The following ADPRHL1 variants were observed in gnomAD, a reference collection of about 807,000 sequenced individuals.
ADPRHL1 encodes inactive ADP-ribosyltransferase ARH2.
In ADPRHL1, 43 loss-of-function variants were observed where a neutral mutation model predicts 44.1. That is an observed-to-expected ratio of 0.98 (90% confidence interval 0.76 to 1.26). The LOEUF (loss-of-function observed/expected upper bound fraction) is 1.26, where lower values mean the gene tolerates loss of function less well. Among genes scored for constraint, ADPRHL1 ranks in the 50% most tolerant of loss-of-function variants. The pLI is 0.00. For synonymous variants in ADPRHL1, 878 were observed against 1,017.4 expected (o/e 0.86, Z 2.61); for missense variants, 2,022 against 2,496.9 (o/e 0.81, Z 4.05).
rs983245722 is a variant in ADPRHL1 at position 113,405,635 on chromosome 13, G to A, written c.3647C>T (p.Ala1216Val). Residue 1216 changes from alanine (A) to valine (V), a missense_variant, in exon 8 of 8, where the codon GCG becomes GTG. Around this residue, in one of 8 missense-constraint regions of ADPRHL1, gnomAD observed 1,221 missense variants for 1,517.8 expected, o/e 0.80. Transcript: ENST00000612156. ...ATLARHPEDA[A>V]ALARHPEAAR... ...CGCCTCTGGGTGCCGGGCGAGGGCC[G>A]CAGCATCCTCCGGGTGGCGGGCGAG... is the stretch of plus-strand genomic sequence containing the variant. 19 of 1,232,802 alleles carry A rather than the reference G, an allele frequency of 1.5e-5. 1 individual carries two copies. The highest frequency in any genetic ancestry group is 1.2e-4 in the South Asian group (3 of 24,356). The allele number at this position is 1,232,802 out of a possible 1,614,324, so 76.4% of individuals were successfully genotyped here.
chr13:113,410,025 A>G (rs1240395791), intron 7 of ADPRHL1: 12 of 985,160 alleles, frequency 1.2e-5, no homozygotes, highest in Non-Finnish European at 1.4e-5. Context: ...CCATGGATGG[A>G]TTTCCTTGTT....
chr13:113,431,311 G>A (rs988324301), intron 3 of ADPRHL1, among the ~76,000 whole-genome samples: 2 of 152,270 alleles, frequency 1.3e-5, no homozygotes, highest in East Asian at 3.8e-4. Flanking sequence ...ATGGTTGCCC[G>A]TGACACGCCA....
intron 4 of ADPRHL1, 99 bp downstream of exon 4, chr13:113,428,853 T>A: frequency 1.3e-6 from 2 of 1,552,150 alleles, no homozygotes; most frequent in Non-Finnish European, 1.7e-6. Context: ...CAGTTCCATC[T>A]AAGAGCGAAA....
chr13:113,419,287 T>TTG (rs778682502), intron 7 of ADPRHL1, among the ~76,000 whole-genome samples: 1 of 109,632 alleles, frequency 9.1e-6, no homozygotes, highest in Non-Finnish European at 2.1e-5. Context: ...TGTATTTTTT[T>TTG]TTTTTTTTTT....
intron 6 of ADPRHL1, among the ~76,000 whole-genome samples, chr13:113,423,420 A>G (rs1595544067): frequency 6.6e-6 from 1 of 152,346 alleles, no homozygotes; most frequent in African/African-American, 2.4e-5. Flanking sequence ...CCGAGGCCGC[A>G]TGGTCCCACC....
intron 3 of ADPRHL1, among the ~76,000 whole-genome samples, chr13:113,429,459 C>G (rs1317745819): frequency 6.6e-6 from 1 of 152,258 alleles, no homozygotes; most frequent in Non-Finnish European, 1.5e-5. Flanking sequence ...ACTCAGGACG[C>G]ATCCCCAGGT....
intron 7 of ADPRHL1, among the ~76,000 whole-genome samples, chr13:113,411,766 G>A (rs1457473973): frequency 6.6e-6 from 1 of 152,238 alleles, no homozygotes; most frequent in Non-Finnish European, 1.5e-5. Flanking sequence ...AGGCGTCCGC[G>A]GTTCAGGATG....
chr13:113,432,226 C>T (rs2044012388), intron 3 of ADPRHL1, among the ~76,000 whole-genome samples: 1 of 152,096 alleles, frequency 6.6e-6, no homozygotes, highest in African/African-American at 2.4e-5. Flanking sequence ...TGGGTTCAGG[C>T]GATCCTCCTA....
intron 7 of ADPRHL1, among the ~76,000 whole-genome samples, chr13:113,416,097 G>C (rs1416145508): frequency 4.0e-5 from 6 of 151,542 alleles, no homozygotes; most frequent in African/African-American, 1.5e-4. Flanking sequence ...GAGCATCATT[G>C]CAACGGTCAC....
intron 3 of ADPRHL1, among the ~76,000 whole-genome samples, chr13:113,431,568 T>A (rs1444765194): frequency 6.6e-6 from 1 of 152,228 alleles, no homozygotes; most frequent in Non-Finnish European, 1.5e-5. Flanking sequence ...TAACACAAAC[T>A]GTGGCTCTTA....
intron 7 of ADPRHL1, among the ~76,000 whole-genome samples, chr13:113,416,056 G>C (rs892951512): frequency 4.0e-5 from 6 of 151,788 alleles, no homozygotes; most frequent in Non-Finnish European, 7.4e-5. Flanking sequence ...CGGCAGAGCT[G>C]ATCTGGCCAA....
intron 4 of ADPRHL1, 141 bp downstream of exon 4, chr13:113,428,811 G>C: frequency 7.4e-7 from 1 of 1,343,926 alleles, no homozygotes; most frequent in Non-Finnish European, 1.0e-6. Flanking sequence ...TGCGAGGCCA[G>C]CTCTGCTCAC....
At chr13:113,448,318 C>G (rs2044155794) in intron 1 of ADPRHL1, among the ~76,000 whole-genome samples, 1 of 151,642 alleles carries the variant, frequency 6.6e-6, no homozygotes, top group Non-Finnish European at 1.5e-5. Context: ...CATAGTGAAA[C>G]CCCCGTCTCT....
At chr13:113,425,603 C>T (rs1458283793) in intron 4 of ADPRHL1, among the ~76,000 whole-genome samples, 1 of 151,898 alleles carries the variant, frequency 6.6e-6, no homozygotes, top group Admixed American at 6.6e-5. Context: ...AACTCCTGAC[C>T]TCAGGTGATC....
chr13:113,445,536 C>T (rs2044130266), intron 1 of ADPRHL1, among the ~76,000 whole-genome samples: 1 of 152,246 alleles, frequency 6.6e-6, no homozygotes, highest in African/African-American at 2.4e-5. Flanking sequence ...AAACTGCACT[C>T]TGGGCTTGCG....
intron 1 of ADPRHL1, among the ~76,000 whole-genome samples, chr13:113,451,785 G>A (rs2044180677): frequency 6.6e-6 from 1 of 151,878 alleles, no homozygotes; most frequent in Admixed American, 6.5e-5. Flanking sequence ...TCCAGCCTGG[G>A]CGATGGAGAA....
At chr13:113,440,519 G>A (rs1459815180) in intron 2 of ADPRHL1, among the ~76,000 whole-genome samples, 8 of 150,414 alleles carry the variant, frequency 5.3e-5, no homozygotes, top group Admixed American at 4.7e-4. Flanking sequence ...GCAGTGGCAC[G>A]ATCTCAGCTC....
intron 2 of ADPRHL1, among the ~76,000 whole-genome samples, chr13:113,443,437 T>C (rs1159064211): frequency 1.4e-5 from 2 of 141,310 alleles, no homozygotes; most frequent in Non-Finnish European, 3.1e-5. Context: ...GTGAAACCCC[T>C]TCTCTACAGA....
At chr13:113,410,905 C>CG (rs2043847945) in intron 7 of ADPRHL1, among the ~76,000 whole-genome samples, 1 of 152,218 alleles carries the variant, frequency 6.6e-6, no homozygotes, top group South Asian at 2.1e-4. Flanking sequence ...TATGACTTGG[C>CG]GGCCCGTGGA....
Sources: allele counts gnomAD v4.1 joint callset (sites outside exome capture counted in the v4.1 genomes callset), GRCh38; gene constraint gnomAD v4.1.1; regional missense constraint gnomAD v4.1.1; transcripts MANE v1.5; gene names NCBI Gene and HGNC (gene_info 2026-07-23, HGNC 2026-07-21).